PCDHGB7: variants seen among roughly 807,000 people sequenced by gnomAD.
PCDHGB7 encodes the protein protocadherin gamma-B7.
Under a neutral mutation model 61.4 loss-of-function variants are expected in PCDHGB7, and 37 were observed. That is an observed-to-expected ratio of 0.60 (90% confidence interval 0.46 to 0.79). The LOEUF (loss-of-function observed/expected upper bound fraction) is 0.79. Ranked by LOEUF, PCDHGB7 falls within the 30% of genes least tolerant of loss-of-function variation. The pLI is 0.00. For missense variants in PCDHGB7, 1,166 were observed against 1,202.5 expected, an observed-to-expected ratio of 0.97 and a Z score of 0.45; for synonymous variants, 464 against 503.5, an observed-to-expected ratio of 0.92 and a Z score of 1.05.
chr5:141,468,093 G>C (rs1319825848), intron 1 of PCDHGB7, among the ~76,000 whole-genome samples: 2 of 152,112 alleles, frequency 1.3e-5, no homozygotes, highest in Non-Finnish European at 2.9e-5. Flanking sequence ...GGGAGGTTGA[G>C]GCAGGCAGAT....
At position 141,491,952 on chromosome 5, in the gene PCDHGB7, C is replaced by A; in HGVS notation, c.2416-2855C>A. 9.4e-7 allele frequency: 1 copy of A among 1,062,954 alleles called. No homozygotes were observed. The allele number at this position is 1,062,954 out of a possible 1,614,324, so 65.8% of individuals were successfully genotyped here. On this transcript the variant is annotated intron_variant, in intron 1 of 3. Coordinates refer to ENST00000398594, the MANE Select transcript of PCDHGB7 (RefSeq NM_018927.4). The surrounding 1 kb of genome is among the most constrained non-coding windows in gnomAD (Gnocchi z 6.9). ...GGTGGGACCGACCCCCACCCCTACA[C>A]TCAAAAAAGGCCGGGGCCTCCTTCG...
Position 141,432,295 on chromosome 5 carries a change from G to A in PCDHGB7, c.2415+12021G>A. 6.2e-7 allele frequency: 1 copy of A among 1,614,222 alleles called. No individual in the cohort carries two copies. The highest frequency in any genetic ancestry group is 8.5e-7 in the Non-Finnish European group (1 of 1,180,034). ...ACGTGTCCATCAACTCCGACACTGG[G>A]GTACTGTATGCGCTGAGCTCCTTCG... is the stretch of plus-strand genomic sequence containing the variant. On this transcript the variant is annotated intron_variant, in intron 1 of 3. Coordinates refer to ENST00000398594, the MANE Select transcript of PCDHGB7 (RefSeq NM_018927.4). This position sits in a 1 kb window ranked among gnomAD's most constrained non-coding sequence, Gnocchi z 6.0.
At position 141,486,679 on chromosome 5, in the gene PCDHGB7, A is replaced by G. The variant is rs1416879364; in HGVS notation, c.2416-8128A>G. The G allele has an allele frequency of 6.2e-7, 1 of 1,614,092 alleles. No individual in the cohort carries two copies. The highest frequency in any genetic ancestry group is 1.7e-5 in the Admixed American group (1 of 60,026). On this transcript the variant is annotated intron_variant, in intron 1 of 3. Coordinates refer to ENST00000398594, the MANE Select transcript of PCDHGB7 (RefSeq NM_018927.4). The surrounding 1 kb of genome is among the most constrained non-coding windows in gnomAD (Gnocchi z 5.0). Reference sequence around the variant, plus strand: ...TCCTGGAGCCCAGGAATCGAGATGTATCAGCTTCCTCTTTCATCTCTCTGA... The same window carrying G: ...TCCTGGAGCCCAGGAATCGAGATGTGTCAGCTTCCTCTTTCATCTCTCTGA...
intron 1 of PCDHGB7, among the ~76,000 whole-genome samples, chr5:141,420,686 C>T (rs781004859): frequency 1.3e-4 from 20 of 152,258 alleles, no homozygotes; most frequent in Admixed American, 4.6e-4. Context: ...TTATCGGGAC[C>T]GTATTATTTC....
chr5:141,501,666 T>C (rs2099810374), intron 2 of PCDHGB7, among the ~76,000 whole-genome samples: 1 of 152,142 alleles, frequency 6.6e-6, no homozygotes. Context: ...TTGGAAAATA[T>C]AGATAATCAC....
At chr5:141,505,353 G>A (rs376781305) in intron 2 of PCDHGB7, 40 bp from the exon 3 acceptor site, 51 of 1,613,426 alleles carry the variant, frequency 3.2e-5, no homozygotes, top group East Asian at 2.7e-4. Flanking sequence ...GAGCTGTGCC[G>A]GCCTGGGAGT....
At chr5:141,422,872 C>T (rs773469060) in intron 1 of PCDHGB7, 19 of 1,614,134 alleles carry the variant, frequency 1.2e-5, no homozygotes, top group African/African-American at 2.7e-5. Flanking sequence ...CAACGTGTCG[C>T]TGAGCCTGTT....
chr5:141,475,741 G>C (rs1455125695), intron 1 of PCDHGB7, among the ~76,000 whole-genome samples: 1 of 152,268 alleles, frequency 6.6e-6, no homozygotes, highest in Non-Finnish European at 1.5e-5. Flanking sequence ...CCCTAAGGTA[G>C]GTTTCCTATG....
At chr5:141,504,529 G>A (rs1333393859) in intron 2 of PCDHGB7, among the ~76,000 whole-genome samples, 1 of 151,900 alleles carries the variant, frequency 6.6e-6, no homozygotes, top group African/African-American at 2.4e-5. Context: ...TATTTTATTC[G>A]TGTCATCATG....
intron 1 of PCDHGB7, 115 bp from the exon 2 acceptor site, chr5:141,494,692 C>G: frequency 6.3e-7 from 1 of 1,581,934 alleles, no homozygotes; most frequent in South Asian, 1.1e-5. Context: ...CCTCTTAGTC[C>G]GTTTTCTTCT....
intron 1 of PCDHGB7, chr5:141,478,905 G>T (rs1593970684): frequency 1.1e-6 from 1 of 930,214 alleles, no homozygotes; most frequent in East Asian, 2.7e-5. Flanking sequence ...GGAATAAGCT[G>T]CTGGATACCT....
intron 2 of PCDHGB7, among the ~76,000 whole-genome samples, chr5:141,497,984 C>G (rs2099780951): frequency 6.6e-6 from 1 of 152,194 alleles, no homozygotes; most frequent in South Asian, 2.1e-4. Flanking sequence ...TGGGAGGCCC[C>G]TGCCCTCAAG....
intron 1 of PCDHGB7, among the ~76,000 whole-genome samples, chr5:141,460,682 T>A (rs957470916): frequency 3.3e-5 from 5 of 152,134 alleles, no homozygotes; most frequent in African/African-American, 1.2e-4. Flanking sequence ...TATATCTATA[T>A]ATCCACCAAC....
At chr5:141,427,898 C>T in intron 1 of PCDHGB7, 4 of 1,570,874 alleles carry the variant, frequency 2.5e-6, no homozygotes, top group African/African-American at 1.3e-5. Flanking sequence ...AGGGCTCGCC[C>T]GCGCTCAGCG....
At chr5:141,428,489 T>C (rs2097142285) in intron 1 of PCDHGB7, 1 of 312,516 alleles carries the variant, frequency 3.2e-6, no homozygotes. Context: ...TCCTGCAATC[T>C]GTATGTTCCC....
chr5:141,497,062 A>C (rs779414748), intron 2 of PCDHGB7, among the ~76,000 whole-genome samples: 6 of 152,024 alleles, frequency 3.9e-5, no homozygotes, highest in Non-Finnish European at 7.4e-5. Flanking sequence ...GGTGGCAGGC[A>C]CCTGTAATCC....
At position 141,419,713 on chromosome 5, in the gene PCDHGB7, C is replaced by T; in HGVS notation, c.1854C>T (p.Ser618=). The T allele has an allele frequency of 6.2e-7, 1 of 1,613,264 alleles. No homozygotes were observed. Among genetic ancestry groups the T allele is most frequent in the East Asian group, 2.2e-5 (1 of 44,878 alleles). The part of the protein sequence containing the change: ...VVQASEPGLF[S]LGLRTGEVRM... ...AGGCCAGTGAGCCCGGGCTCTTCAGCCTGGGGCTGCGAACAGGCGAGGTGC... is the reference window on the plus strand; with the variant it reads ...AGGCCAGTGAGCCCGGGCTCTTCAGTCTGGGGCTGCGAACAGGCGAGGTGC... The change falls in exon 1 of 4, where the codon AGC becomes AGT. Residue 618 remains serine (S), a synonymous_variant. Transcript: ENST00000398594.
intron 1 of PCDHGB7, chr5:141,422,710 G>T: frequency 6.2e-7 from 1 of 1,603,486 alleles, no homozygotes; most frequent in African/African-American, 1.3e-5. Context: ...TCTGACGGAT[G>T]ACACTGTCCA....
chr5:141,424,184 C>A, intron 1 of PCDHGB7: 1 of 199,136 alleles, frequency 5.0e-6, no homozygotes, highest in Non-Finnish European at 9.9e-6. Context: ...TACACATGCA[C>A]ACACACTTAT....
Sources: gnomAD v4.1 joint callset for allele counts (sites outside exome capture counted in the v4.1 genomes callset) on GRCh38, gnomAD v4.1.1 for gene constraint, Gnocchi (gnomAD v3.1) non-coding constraint, MANE v1.5 for transcripts, NCBI Gene and HGNC (gene_info 2026-07-23, HGNC 2026-07-21) for gene names.